NPFFR2: variants seen among roughly 807,000 people sequenced by gnomAD.
The protein encoded by NPFFR2 is G-protein coupled receptor 74.
In NPFFR2, 15 loss-of-function variants were observed where a neutral mutation model predicts 13.1. The ratio of observed to expected loss-of-function variants is 1.15; its 90% confidence interval spans 0.77 to 1.76. The LOEUF (loss-of-function observed/expected upper bound fraction) is 1.76. Ranked by LOEUF, NPFFR2 falls within the 40% of genes most tolerant of loss-of-function variation. The pLI is 0.00. For missense variants in NPFFR2, 572 were observed against 503.5 expected, an observed-to-expected ratio of 1.14 and a Z score of -1.30; for synonymous variants, 190 against 175.7, an observed-to-expected ratio of 1.08 and a Z score of -0.65.
At chr4:72,070,551 GTGTGTGTGT>G (rs1560401516) in intron 1 of NPFFR2, among the ~76,000 whole-genome samples, 4 of 2,752 alleles carry the variant, frequency 1.5e-3, no homozygotes, top group South Asian at 0.05. Flanking sequence ...TCGTGTGTGT[GTGTGTGTGT>G]GGGGGGGGGG....
chr4:72,061,507 G>T (rs542559630), intron 1 of NPFFR2, among the ~76,000 whole-genome samples: 12 of 152,234 alleles, frequency 7.9e-5, no homozygotes, highest in Admixed American at 3.3e-4. Context: ...CCTTGGCAGG[G>T]TGCCCAATTT....
Position 72,147,547 on chromosome 4 carries a change from A to G in NPFFR2, c.998A>G (p.Tyr333Cys). 1.2e-6 allele frequency: 2 copies of G among 1,614,222 alleles called. No individual in the cohort carries two copies. Among genetic ancestry groups the G allele is most frequent in the East Asian group, 2.2e-5 (1 of 44,880 alleles). Residue 333 changes from tyrosine to cysteine, a missense_variant, in exon 4 of 4, where the codon TAT becomes TGT. Coordinates refer to ENST00000308744, the MANE Select transcript of NPFFR2 (RefSeq NM_004885.3). ...FGNSSVNPIIYGFFNENFRRG... is the reference protein window; with the variant it reads ...FGNSSVNPIICGFFNENFRRG... Reference sequence around the variant, plus strand: ...AACAGCAGTGTCAATCCCATCATTTATGGTTTCTTCAACGAGAATTTCCGC... The same window carrying G: ...AACAGCAGTGTCAATCCCATCATTTGTGGTTTCTTCAACGAGAATTTCCGC...
chr4:72,088,096 A>G (rs1183067872), intron 1 of NPFFR2, among the ~76,000 whole-genome samples: 1 of 152,052 alleles, frequency 6.6e-6, no homozygotes, highest in Non-Finnish European at 1.5e-5. Flanking sequence ...GAGAGAGAGA[A>G]CTGGATTTAT....
intron 1 of NPFFR2, among the ~76,000 whole-genome samples, chr4:72,088,988 C>A (rs189754484): frequency 7.9e-5 from 12 of 152,134 alleles, no homozygotes; most frequent in Admixed American, 7.9e-4. Context: ...CCTCTCCCAC[C>A]CTTTCCACTG....
At chr4:72,130,631 C>T (rs1245174855) in intron 2 of NPFFR2, among the ~76,000 whole-genome samples, 1 of 152,172 alleles carries the variant, frequency 6.6e-6, no homozygotes, top group Non-Finnish European at 1.5e-5. Flanking sequence ...CCTTACTCCA[C>T]CTGCAACTCT....
At chr4:72,083,340 C>T (rs1406793519) in intron 1 of NPFFR2, among the ~76,000 whole-genome samples, 1 of 152,148 alleles carries the variant, frequency 6.6e-6, no homozygotes, top group Non-Finnish European at 1.5e-5. Context: ...TGTCCACATC[C>T]TTCCAACACT....
chr4:72,090,788 C>T lies in NPFFR2; in HGVS notation c.-7-37797C>T, dbSNP rs185066312. Among the ~76,000 whole-genome samples, 3 of 152,188 alleles carry T rather than the reference C, an allele frequency of 2.0e-5. No homozygotes were observed. In the East Asian group the frequency reaches 5.8e-4, roughly 29 times the overall value. On this transcript the variant is annotated intron_variant, in intron 1 of 3. Transcript: ENST00000308744. ...TCATCAGTGAACAGCAGCAGTTTTA[C>T]TTTCTCTTTACCAATTTGGATGCCT...
At chr4:72,119,606 C>T (rs1290502730) in intron 1 of NPFFR2, among the ~76,000 whole-genome samples, 1 of 152,074 alleles carries the variant, frequency 6.6e-6, no homozygotes, top group East Asian at 1.9e-4. Flanking sequence ...ACTGGTTAGA[C>T]AGTGGGTGCA....
At chr4:72,070,351 A>G (rs1292643395) in intron 1 of NPFFR2, among the ~76,000 whole-genome samples, 1 of 152,192 alleles carries the variant, frequency 6.6e-6, no homozygotes, top group African/African-American at 2.4e-5. Context: ...TTTGTGAATA[A>G]GCATTCCAAT....
chr4:72,046,477 C>T (rs549487163), intron 1 of NPFFR2, among the ~76,000 whole-genome samples: 13 of 152,220 alleles, frequency 8.5e-5, no homozygotes, highest in Admixed American at 2.0e-4. Flanking sequence ...CCTCACCAGA[C>T]GCTGGCACCA....
Position 72,091,361 on chromosome 4 carries a change from A to T in NPFFR2, c.-7-37224A>T, listed in dbSNP as rs368030403. Among the ~76,000 whole-genome samples the T allele has an allele frequency of 1.7e-4, 26 of 152,212 alleles. No individual in the cohort carries two copies. In the South Asian group the frequency reaches 5.2e-3, roughly 30 times the overall value. ...TGCTTCATAGAACGATTTAGGGAGG[A>T]TTCCCTCTTTCTCTATCTCTTGGAA... On this transcript the variant is annotated intron_variant, in intron 1 of 3. Transcript: ENST00000308744.
rs373951399 is a variant in NPFFR2, at chr4:72,118,610, GA to G, written c.-7-9973del. Among the ~76,000 whole-genome samples the G allele has an allele frequency of 1.2e-3, 187 of 152,086 alleles. 2 individuals carry two copies. In the South Asian group the frequency reaches 0.038, roughly 31 times the overall value. On this transcript the variant is annotated intron_variant, in intron 1 of 3. Coordinates refer to ENST00000308744, the MANE Select transcript of NPFFR2 (RefSeq NM_004885.3). ...AGAAGACATGCACGTACCTTTAAAA[GA>G]AGAAAATTTGAGACAGCAAATGCTT...
Position 72,147,666 on chromosome 4 carries a change from A to G in NPFFR2, c.1117A>G (p.Ile373Val), listed in dbSNP as rs754736640. The G allele has an allele frequency of 3.1e-6, 5 of 1,614,206 alleles. No individual in the cohort carries two copies. The highest frequency in any genetic ancestry group is 3.3e-5 in the Admixed American group (2 of 60,018). The change falls in exon 4 of 4, where the codon ATA becomes GTA. Residue 373 changes from isoleucine to valine, a missense_variant. By Grantham distance (29) the Ile-to-Val change is conservative. Transcript: ENST00000308744. ...CCTAAAAGCTAAAAGCCATGTGCTC[A>G]TAAACACATCTAATCAGCTTGTCCA... ...YALKAKSHVL[I>V]NTSNQLVQES...
At chr4:72,137,483 G>C (rs1206785806) in intron 2 of NPFFR2, among the ~76,000 whole-genome samples, 1 of 151,886 alleles carries the variant, frequency 6.6e-6, no homozygotes, top group East Asian at 1.9e-4. Context: ...GTGTCTCTGG[G>C]GTTAATTGTC....
At chr4:72,076,180 T>G (rs775068041) in intron 1 of NPFFR2, among the ~76,000 whole-genome samples, 2 of 3,784 alleles carry the variant, frequency 5.3e-4, no homozygotes, top group Non-Finnish European at 0.071. Context: ...TGTTATGGAG[T>G]TTTTTTTTCC....
At chr4:72,079,053 AACACACACAC>A (rs59522916) in intron 1 of NPFFR2, among the ~76,000 whole-genome samples, 9 of 139,214 alleles carry the variant, frequency 6.5e-5, no homozygotes, top group East Asian at 6.1e-4. Context: ...CATAGAACTA[AACACACACAC>A]ACACACACAC....
chr4:72,146,544 C>T (rs1399375937), intron 3 of NPFFR2: 1 of 168,450 alleles, frequency 5.9e-6, no homozygotes, highest in African/African-American at 2.4e-5. Flanking sequence ...AGCTACCCAT[C>T]TAAAGAGGAC....
chr4:72,147,047 C>CATCT lies in NPFFR2; in HGVS notation c.499_502dup (p.Trp168TyrfsTer33), dbSNP rs1276318076. ...AGACAGCGTTTGTCATTATTATGATCATCTGGGTCCTAGCCATCACCATTA... is the reference window on the plus strand; with the variant it reads ...AGACAGCGTTTGTCATTATTATGATCATCTATCTGGGTCCTAGCCATCACCATTA... On this transcript the variant is annotated frameshift_variant, in exon 4 of 4. Transcript: ENST00000308744. LOFTEE classifies it low-confidence loss of function (END_TRUNC). 2 of 1,613,988 alleles carry CATCT rather than the reference C, an allele frequency of 1.2e-6. No individual in the cohort carries two copies. Among genetic ancestry groups the CATCT allele is most frequent in the African/African-American group, 2.7e-5 (2 of 74,890 alleles).
intron 1 of NPFFR2, among the ~76,000 whole-genome samples, chr4:72,113,622 A>G (rs1297798891): frequency 6.6e-6 from 1 of 152,146 alleles, no homozygotes; most frequent in African/African-American, 2.4e-5. Context: ...TGCACTGCCA[A>G]TCTGTGCTAA....
Sources: allele counts gnomAD v4.1 joint callset (sites outside exome capture counted in the v4.1 genomes callset), GRCh38; gene constraint gnomAD v4.1.1; transcripts MANE v1.5; gene names NCBI Gene and HGNC (gene_info 2026-07-23, HGNC 2026-07-21).